The following CDH13 variants were observed in gnomAD, a reference collection of about 807,000 sequenced individuals.
CDH13 encodes the protein cadherin 13.
Under a neutral mutation model 63.8 loss-of-function variants are expected in CDH13, and 24 were observed. The observed-to-expected ratio is 0.38, with a 90% CI of 0.27 to 0.53. The LOEUF is 0.53. CDH13 is among the 20% of genes least tolerant of loss of function. CDH13 has a pLI of 0.85. For missense variants in CDH13, 1,049 were observed against 903.1 expected (o/e 1.16, Z -2.07); for synonymous variants, 503 against 355.3 (o/e 1.42, Z -4.67).
chr16:83,691,070 CCGTGTGTGTGTG>C (rs774677280), intron 10 of CDH13, among the ~76,000 whole-genome samples: 1 of 105,308 alleles, frequency 9.5e-6, no homozygotes, highest in Non-Finnish European at 1.9e-5. Context: ...ACCAACTGTG[CCGTGTGTGTGTG>C]TGTGTGTGTG....
intron 5 of CDH13, among the ~76,000 whole-genome samples, chr16:83,266,099 G>C (rs757591339): frequency 6.9e-4 from 105 of 152,122 alleles, no homozygotes; most frequent in Non-Finnish European, 1.2e-3. Context: ...ACCACGTCCG[G>C]CTAATTTTTG....
intron 2 of CDH13, among the ~76,000 whole-genome samples, chr16:82,910,644 C>T (rs2041802110): frequency 1.3e-5 from 2 of 152,302 alleles, no homozygotes; most frequent in South Asian, 2.1e-4. Flanking sequence ...TCCCAGGCTC[C>T]TAGTCTCAAA....
chr16:83,511,065 C>A (rs1033561156), intron 7 of CDH13, among the ~76,000 whole-genome samples: 4 of 82,792 alleles, frequency 4.8e-5, no homozygotes, highest in African/African-American at 1.1e-4. Context: ...CACACAGACA[C>A]GCACACACAT....
In CDH13 at chr16:82,828,486, G is replaced by T. The variant is rs187863393; in HGVS notation, c.46-29876G>T. On this transcript the variant is annotated intron_variant, in intron 1 of 13. Coordinates refer to ENST00000567109, the MANE Select transcript of CDH13 (RefSeq NM_001257.5). ...AGAAACCTCAGCTAGGAGTGTTGGC[G>T]GGCACCTGTAATCCCACCTAATCCC... Among the ~76,000 whole-genome samples the T allele has an allele frequency of 3.5e-4, 53 of 152,126 alleles. No individual in the cohort carries two copies. In the East Asian group the frequency reaches 8.7e-3, roughly 25 times the overall value.
chr16:83,432,347 A>G (rs1489670007), intron 6 of CDH13, among the ~76,000 whole-genome samples: 1 of 152,182 alleles, frequency 6.6e-6, no homozygotes, highest in Non-Finnish European at 1.5e-5. Context: ...ATGTCATCCT[A>G]TAATCTACCC....
chr16:83,215,089 T>TTTTTTTTG (rs2039458050), intron 4 of CDH13, among the ~76,000 whole-genome samples: 1 of 135,530 alleles, frequency 7.4e-6, no homozygotes, highest in African/African-American at 2.8e-5. Flanking sequence ...TTTTTTTTTT[T>TTTTTTTTG]TTTTTGAGAT....
At chr16:83,564,398 CTTTT>C (rs1213115221) in intron 7 of CDH13, among the ~76,000 whole-genome samples, 3 of 27,296 alleles carry the variant, frequency 1.1e-4, no homozygotes, top group Non-Finnish European at 1.2e-4. Flanking sequence ...TGGGATGACT[CTTTT>C]TTTTTTTTTT....
At chr16:82,929,651 C>CAGAAAA (rs2042416400) in intron 2 of CDH13, among the ~76,000 whole-genome samples, 1 of 44,272 alleles carries the variant, frequency 2.3e-5, no homozygotes, top group Non-Finnish European at 3.3e-5. Flanking sequence ...GACTCCATCT[C>CAGAAAA]AAAAAAAAAA....
intron 7 of CDH13, among the ~76,000 whole-genome samples, chr16:83,493,410 C>T (rs1192190816): frequency 1.3e-5 from 2 of 152,216 alleles, no homozygotes; most frequent in Non-Finnish European, 2.9e-5. Context: ...GTCTGCTGAA[C>T]TCATGGTGCT....
chr16:83,029,416 T>C (rs1916103653), intron 2 of CDH13, among the ~76,000 whole-genome samples: 1 of 152,118 alleles, frequency 6.6e-6, no homozygotes, highest in African/African-American at 2.4e-5. Flanking sequence ...CAGATACCAG[T>C]CGAGAGTAGG....
chr16:82,680,562 T>C (rs766855651), intron 1 of CDH13, among the ~76,000 whole-genome samples: 1 of 152,164 alleles, frequency 6.6e-6, no homozygotes, highest in Non-Finnish European at 1.5e-5. Context: ...CTCCAAAATA[T>C]GCTTCAGTGA....
chr16:82,803,784 G>A (rs1182644689), intron 1 of CDH13, among the ~76,000 whole-genome samples: 1 of 152,172 alleles, frequency 6.6e-6, no homozygotes, highest in Non-Finnish European at 1.5e-5. Context: ...CAGACTAATA[G>A]AAGCAGAGTA....
chr16:83,056,644 C>T (rs901177975), intron 3 of CDH13, among the ~76,000 whole-genome samples: 1 of 152,110 alleles, frequency 6.6e-6, no homozygotes, highest in African/African-American at 2.4e-5. Context: ...TATATTGAGC[C>T]AGGATGGTGG....
At chr16:83,073,519 G>A (rs902424178) in intron 3 of CDH13, among the ~76,000 whole-genome samples, 1 of 152,056 alleles carries the variant, frequency 6.6e-6, no homozygotes, top group Non-Finnish European at 1.5e-5. Flanking sequence ...ACATGGCGAT[G>A]AGAATTCCCC....
chr16:83,209,076 A>G (rs755022210), intron 4 of CDH13, among the ~76,000 whole-genome samples: 6 of 152,164 alleles, frequency 3.9e-5, no homozygotes, highest in Admixed American at 1.3e-4. Flanking sequence ...GCCAAAGAGG[A>G]GACCTGGAGC....
At chr16:82,710,035 A>G (rs1028028592) in intron 1 of CDH13, among the ~76,000 whole-genome samples, 2 of 151,662 alleles carry the variant, frequency 1.3e-5, no homozygotes, top group Non-Finnish European at 2.9e-5. Flanking sequence ...ACTGCCTTAA[A>G]TAAAAGTATG....
At chr16:82,911,760 G>T (rs1215951796) in intron 2 of CDH13, among the ~76,000 whole-genome samples, 1 of 152,044 alleles carries the variant, frequency 6.6e-6, no homozygotes, top group Admixed American at 6.5e-5. Context: ...TGTCTGCTGA[G>T]CCTAGGTCCC....
At chr16:83,618,704 C>A (rs1909522460) in intron 8 of CDH13, among the ~76,000 whole-genome samples, 1 of 151,738 alleles carries the variant, frequency 6.6e-6, no homozygotes, top group Non-Finnish European at 1.5e-5. Flanking sequence ...ACATAAACTG[C>A]AGAGATCCCT....
intron 1 of CDH13, among the ~76,000 whole-genome samples, chr16:82,799,090 A>G (rs2036727046): frequency 6.6e-6 from 1 of 152,186 alleles, no homozygotes; most frequent in African/African-American, 2.4e-5. Flanking sequence ...AGAATGATAG[A>G]TAAACATGAA....
Sources: gnomAD v4.1 joint callset for allele counts (sites outside exome capture counted in the v4.1 genomes callset) on GRCh38, gnomAD v4.1.1 for gene constraint, MANE v1.5 for transcripts, NCBI Gene and HGNC (gene_info 2026-07-23, HGNC 2026-07-21) for gene names.